Variants in GMEB2 observed in about 807,000 individuals in gnomAD.
The protein encoded by GMEB2 is glucocorticoid modulatory element-binding protein 2.
A neutral mutation model predicts 45.7 loss-of-function variants in GMEB2; 7 were observed. The observed-to-expected ratio is 0.15, with a 90% CI of 0.09 to 0.29. GMEB2 has a LOEUF of 0.29. Among genes scored for constraint, GMEB2 ranks in the 10% least tolerant of loss-of-function variants. The probability of loss-of-function intolerance (pLI) is 1.00; values close to 1 mark genes in which losing one functional copy is unlikely to be tolerated. For synonymous variants in GMEB2, 322 were observed against 323.6 expected (o/e 1.00, Z 0.05); for missense variants, 582 against 739.2 (o/e 0.79, Z 2.47).
intron 3 of GMEB2, 116 bp downstream of exon 3, chr20:63,604,627 G>T: frequency 1.4e-6 from 1 of 708,690 alleles, no homozygotes; most frequent in Non-Finnish European, 2.6e-6. Flanking sequence ...CACAGCTTGG[G>T]AATCAGCCCG....
At position 63,589,201 on chromosome 20, in the gene GMEB2, C is replaced by A; in HGVS notation, c.*888G>T. 1 of 399,192 alleles carries A rather than the reference C, an allele frequency of 2.5e-6. No homozygotes were observed. Among genetic ancestry groups the A allele is most frequent in the South Asian group, 1.3e-4 (1 of 7,826 alleles). The allele number at this position is 399,192 out of a possible 1,614,324, so 24.7% of individuals were successfully genotyped here. Reference sequence around the variant, plus strand: ...CCCTAGGGACACACCTCATGGATCTCAGACCCCTGGGAGGGGCCGGCTCAG... The same window carrying A: ...CCCTAGGGACACACCTCATGGATCTAAGACCCCTGGGAGGGGCCGGCTCAG... On this transcript the variant is annotated 3_prime_UTR_variant, in exon 10 of 10. Transcript: ENST00000370077.
chr20:63,626,995 CGGCGGCGTCGGGAGCTGCGGCGGCGGCG>C lies in GMEB2; in HGVS notation c.-125_-98del, dbSNP rs1478085798. On this transcript the variant is annotated 5_prime_UTR_variant, in exon 1 of 10. Transcript: ENST00000370077. Reference sequence around the variant, plus strand: ...GGCCTGCTTAGGCACCCGGCGGGGGCGGCGGCGTCGGGAGCTGCGGCGGCGGCGGGCGGCGGCGGCGGCCGCGGGCTTC... The same window carrying C: ...GGCCTGCTTAGGCACCCGGCGGGGGCGGCGGCGGCGGCGGCCGCGGGCTTC... The C allele has an allele frequency of 6.8e-6, 1 of 146,704 alleles. No homozygotes were observed. The highest frequency in any genetic ancestry group is 1.5e-5 in the Non-Finnish European group (1 of 66,940). The allele number at this position is 146,704 out of a possible 1,614,324, so 9.1% of individuals were successfully genotyped here. A position where few individuals can be genotyped will look rare whatever the true frequency, so the allele number is the denominator to read the frequency against.
intron 3 of GMEB2, among the ~76,000 whole-genome samples, chr20:63,603,496 C>T (rs531675012): frequency 1.6e-4 from 24 of 152,082 alleles, no homozygotes; most frequent in Non-Finnish European, 2.5e-4. Context: ...TTTGGGAGGC[C>T]GAGGCAGGCG....
At chr20:63,623,262 G>A (rs979592970) in intron 1 of GMEB2, among the ~76,000 whole-genome samples, 10 of 152,150 alleles carry the variant, frequency 6.6e-5, no homozygotes, top group Non-Finnish European at 1.2e-4. Context: ...AGGACAGAGC[G>A]CCTAAGGGGA....
Position 63,589,402 on chromosome 20 carries a change from C to T in GMEB2, c.*687G>A. ...AATTCACTTAAAAACACCCTCAGTACATGTGCAACAATGCCTGGACCACGC... is the reference window on the plus strand; with the variant it reads ...AATTCACTTAAAAACACCCTCAGTATATGTGCAACAATGCCTGGACCACGC... On this transcript the variant is annotated 3_prime_UTR_variant, in exon 10 of 10. Transcript: ENST00000370077. The T allele has an allele frequency of 7.7e-6, 3 of 389,466 alleles. No homozygotes were observed. The highest frequency in any genetic ancestry group is 1.4e-5 in the Non-Finnish European group (3 of 220,500). 24.1% of individuals were successfully genotyped at this position (389,466 alleles called of 1,614,324 possible).
At chr20:63,601,520 TACTCATGC>T (rs1420436578) in intron 4 of GMEB2, among the ~76,000 whole-genome samples, 1 of 151,288 alleles carries the variant, frequency 6.6e-6, no homozygotes, top group African/African-American at 2.4e-5. Flanking sequence ...ACTTATGCTT[TACTCATGC>T]TCTCTTTTCT....
intron 2 of GMEB2, among the ~76,000 whole-genome samples, chr20:63,615,103 T>C (rs1399899509): frequency 6.6e-6 from 1 of 152,154 alleles, no homozygotes; most frequent in African/African-American, 2.4e-5. Context: ...CCTGGCTTTG[T>C]AGACTGGAGC....
At chr20:63,598,426 G>A (rs1264575256) in intron 4 of GMEB2, among the ~76,000 whole-genome samples, 2 of 151,882 alleles carry the variant, frequency 1.3e-5, no homozygotes, top group Non-Finnish European at 1.5e-5. Flanking sequence ...TCACCCATGT[G>A]GGAGCTCAGA....
At chr20:63,624,436 A>AG (rs1332515744) in intron 1 of GMEB2, among the ~76,000 whole-genome samples, 1 of 151,804 alleles carries the variant, frequency 6.6e-6, no homozygotes, top group Non-Finnish European at 1.5e-5. Context: ...CTCAAAAAAA[A>AG]AAAAATTAAA....
chr20:63,616,576 A>T (rs2089610195), intron 2 of GMEB2, among the ~76,000 whole-genome samples: 1 of 152,286 alleles, frequency 6.6e-6, no homozygotes, highest in Non-Finnish European at 1.5e-5. Flanking sequence ...CGCAGAGAGC[A>T]GCAAGGTGCA....
In GMEB2 at chr20:63,592,957, G is replaced by T; in HGVS notation, c.691+54C>A. The T allele has an allele frequency of 8.1e-7, 1 of 1,233,900 alleles. No individual in the cohort carries two copies. 76.4% of individuals were successfully genotyped at this position (1,233,900 alleles called of 1,614,324 possible). On this transcript the variant is annotated intron_variant, in intron 7 of 9. Coordinates refer to ENST00000370077, the MANE Select transcript of GMEB2 (RefSeq NM_012384.5). The surrounding 1 kb of genome is among the most constrained non-coding windows in gnomAD (Gnocchi z 8.2). The stretch of plus-strand genomic sequence containing the variant: ...CCCTGTGTGGCCCGAGGTGGGCAGA[G>T]ACTCCACCACCCCGCCAGGGCTTGT...
At chr20:63,598,560 T>TCTCTGCAGCTGGGCCTC (rs1356456143) in intron 4 of GMEB2, among the ~76,000 whole-genome samples, 1 of 152,120 alleles carries the variant, frequency 6.6e-6, no homozygotes, top group Non-Finnish European at 1.5e-5. Context: ...AGTCACGAGG[T>TCTCTGCAGCTGGGCCTC]CTCTGCAGCT....
chr20:63,596,269 G>A (rs58847566), intron 5 of GMEB2, among the ~76,000 whole-genome samples: 4,985 of 152,344 alleles, frequency 0.033, 121 homozygotes, highest in African/African-American at 0.053. Context: ...CATGGCTGCC[G>A]CTCATCCTCA....
chr20:63,610,811 G>T (rs1195380396), intron 2 of GMEB2, among the ~76,000 whole-genome samples: 2 of 152,200 alleles, frequency 1.3e-5, no homozygotes. Flanking sequence ...CATCAAGACA[G>T]GGGGCTATTT....
chr20:63,611,946 C>T (rs551468767), intron 2 of GMEB2, among the ~76,000 whole-genome samples: 3 of 151,862 alleles, frequency 2.0e-5, no homozygotes, highest in East Asian at 3.9e-4. Flanking sequence ...GTCCCAGCTA[C>T]TCAGGAGGCT....
At chr20:63,595,911 C>T in intron 5 of GMEB2, 144 bp from the exon 6 acceptor site, 1 of 686,044 alleles carries the variant, frequency 1.5e-6, no homozygotes, top group South Asian at 1.8e-5. Context: ...GTGGGCTCTA[C>T]TTCCCTCTTA....
Position 63,619,642 on chromosome 20 carries a change from C to T in GMEB2, c.-57-188G>A, listed in dbSNP as rs563568878. On this transcript the variant is annotated intron_variant, in intron 1 of 9. Coordinates refer to ENST00000370077, the MANE Select transcript of GMEB2 (RefSeq NM_012384.5). The surrounding 1 kb of genome is among the most constrained non-coding windows in gnomAD (Gnocchi z 4.6). ...TGGTTCCGAGGGCGGTGTAAGCGCA[C>T]TCCACCCGTTTTTCCCACTGGATAA... 9 of 362,174 alleles carry T rather than the reference C, an allele frequency of 2.5e-5. No homozygotes were observed. The South Asian group carries it at 3.4e-4, about 14-fold the overall frequency. The allele number at this position is 362,174 out of a possible 1,614,324, so 22.4% of individuals were successfully genotyped here.
intron 9 of GMEB2, among the ~76,000 whole-genome samples, chr20:63,591,371 C>T (rs1277574758): frequency 6.6e-6 from 1 of 152,184 alleles, no homozygotes; most frequent in Non-Finnish European, 1.5e-5. Context: ...ACAGTGAACA[C>T]ACAGTAAGCA....
At chr20:63,625,528 C>T (rs2089664993) in intron 1 of GMEB2, among the ~76,000 whole-genome samples, 1 of 152,096 alleles carries the variant, frequency 6.6e-6, no homozygotes, top group Non-Finnish European at 1.5e-5. Context: ...GATCCCAAGG[C>T]TTGGGTTCCC....
Sources: gnomAD v4.1 joint callset for allele counts (sites outside exome capture counted in the v4.1 genomes callset) on GRCh38, gnomAD v4.1.1 for gene constraint, Gnocchi (gnomAD v3.1) non-coding constraint, MANE v1.5 for transcripts, NCBI Gene and HGNC (gene_info 2026-07-23, HGNC 2026-07-21) for gene names.